The following TMEM132E variants were observed in gnomAD, a reference collection of about 807,000 sequenced individuals.
TMEM132E encodes the protein transmembrane protein 132E.
Under a neutral mutation model 78.5 loss-of-function variants are expected in TMEM132E, and 49 were observed. The ratio of observed to expected loss-of-function variants is 0.62; its 90% CI spans 0.50 to 0.79. The LOEUF is 0.79. TMEM132E is among the 30% of genes least tolerant of loss of function. The pLI is 0.00. For synonymous variants in TMEM132E, 715 were observed against 670.6 expected (o/e 1.07, Z -1.02); for missense variants, 1,403 against 1,470.9 (o/e 0.95, Z 0.75).
chr17:34,626,516 T>A lies in TMEM132E; in HGVS notation c.457T>A (p.Trp153Arg). 1 of 1,607,240 alleles carries A rather than the reference T, an allele frequency of 6.2e-7. No homozygotes were observed. The highest frequency in any genetic ancestry group is 8.5e-7 in the Non-Finnish European group (1 of 1,178,750). ...GCTGTTCTACGTAGCCGGCCGGGAC[T>A]GGGACGACTTCGGCGTCACCGAGCG... ...QVLFYVAGRD[W>R]DDFGVTERLP... is the part of the protein sequence containing the mutation. Residue 153 changes from tryptophan (W) to arginine (R), a missense_variant, in exon 2 of 9, where the codon TGG (tryptophan) becomes AGG (arginine). By Grantham distance (101) the Trp-to-Arg change is moderately radical. Transcript: ENST00000631683.
intron 4 of TMEM132E, 24 bp from the exon 5 acceptor site, chr17:34,629,984 G>GC (rs749506300): frequency 2.8e-4 from 445 of 1,580,742 alleles, no homozygotes; most frequent in African/African-American, 2.3e-4. Flanking sequence ...CACAAGTAGA[G>GC]CCCCCCCCTT....
chr17:34,637,399 C>T lies in TMEM132E; in HGVS notation c.2392C>T (p.Arg798Cys), dbSNP rs776615502. 9 of 1,613,878 alleles carry T rather than the reference C, an allele frequency of 5.6e-6. No individual in the cohort carries two copies. Among genetic ancestry groups the T allele is most frequent in the East Asian group, 4.5e-5 (2 of 44,880 alleles). ...TIAESCQKTK[R>C]KSVLATTPVG... The stretch of plus-strand genomic sequence containing the variant: ...CGCTGAGAGCTGCCAGAAAACCAAA[C>T]GCAAGAGTGTGCTCGCCACGACCCC... The change falls in exon 9 of 9, where the codon CGC becomes TGC. Residue 798 changes from arginine (R) to cysteine (C), a missense_variant. Physicochemically the swap from Arg to Cys is radical, Grantham distance 180. This residue lies in a region of TMEM132E where 888 missense variants were observed against 952.8 expected (regional missense o/e 0.93). Transcript: ENST00000631683.
Position 34,613,211 on chromosome 17 carries a change from A to ACACACACGCGCGCGCG in TMEM132E, c.68-12915_68-12914insACACACGCGCGCGCGC. Among the ~76,000 whole-genome samples, 335 of 115,920 alleles carry ACACACACGCGCGCGCG rather than the reference A, an allele frequency of 2.9e-3. 4 individuals are homozygous for ACACACACGCGCGCGCG. The highest frequency in any genetic ancestry group is 6.0e-3 in the African/African-American group (204 of 34,282). The allele number at this position is 115,920 out of a possible 152,430, so 76.0% of individuals were successfully genotyped here. A position where few individuals can be genotyped will look rare whatever the true frequency, so the allele number is the denominator to read the frequency against. ...CACACACACACCCACACACACACACACGCGCGCGCGCGCGCGTTCTTACAT... is the reference window on the plus strand; with the variant it reads ...CACACACACACCCACACACACACACACACACACGCGCGCGCGCGCGCGCGCGCGCGCGTTCTTACAT... On this transcript the variant is annotated intron_variant, in intron 1 of 8. Transcript: ENST00000631683.
At chr17:34,589,364 G>C (rs568960810) in intron 1 of TMEM132E, among the ~76,000 whole-genome samples, 2 of 152,202 alleles carry the variant, frequency 1.3e-5, no homozygotes, top group Non-Finnish European at 2.9e-5. Flanking sequence ...GTGACTGGCA[G>C]GCTGAGGGAA....
intron 1 of TMEM132E, among the ~76,000 whole-genome samples, chr17:34,618,968 C>T (rs1022408212): frequency 2.0e-5 from 3 of 152,196 alleles, no homozygotes; most frequent in African/African-American, 7.2e-5. Context: ...TCTTTATACC[C>T]TTGGCCTCAG....
Position 34,586,165 on chromosome 17 carries a change from C to T in TMEM132E, c.67+5022C>T, listed in dbSNP as rs755196165. Among the ~76,000 whole-genome samples, 19 of 152,232 alleles carry T rather than the reference C, an allele frequency of 1.2e-4. No homozygotes were observed. In the East Asian group the frequency reaches 2.7e-3, roughly 22 times the overall value. On this transcript the variant is annotated intron_variant, in intron 1 of 8. Transcript: ENST00000631683. ...GCCTCTCTCCCCTGATTCCTGCAGCCGATGCTAACAAGTGGAAGAATCGTA... is the reference window on the plus strand; with the variant it reads ...GCCTCTCTCCCCTGATTCCTGCAGCTGATGCTAACAAGTGGAAGAATCGTA...
chr17:34,637,292 CTG>C lies in TMEM132E; in HGVS notation c.2288_2289del (p.Val763AspfsTer12). 1 of 1,614,170 alleles carries C rather than the reference CTG, an allele frequency of 6.2e-7. No homozygotes were observed. The highest frequency in any genetic ancestry group is 8.5e-7 in the Non-Finnish European group (1 of 1,180,052). ...AGCAGCCTGGATGAGCATGTGGCCA[CTG>C]TGACCCAGGACCGGGCCTTCCCTCT... is the stretch of plus-strand genomic sequence containing the variant. On this transcript the variant is annotated frameshift_variant, in exon 9 of 9. Coordinates refer to ENST00000631683, the MANE Select transcript of TMEM132E (RefSeq NM_001304438.2). LOFTEE classifies it high-confidence loss of function.
At position 34,626,439 on chromosome 17, in the gene TMEM132E, G is replaced by A. The variant is rs772862890; in HGVS notation, c.380G>A (p.Arg127Gln). The stretch of plus-strand genomic sequence containing the variant: ...CGCCTGACGGTGAACTGGAAGGTGC[G>A]GGCCTTCATCGTCCGCTCGCACGTG... ...PERLTVNWKV[R>Q]AFIVRSHVPA... Residue 127 changes from arginine (R) to glutamine (Q), a missense_variant, in exon 2 of 9, where the codon CGG becomes CAG. Physicochemically the swap from Arg to Gln is conservative, Grantham distance 43. Around this residue, in one of 3 missense-constraint regions of TMEM132E, gnomAD observed 511 missense variants for 499.0 expected, o/e 1.02. Coordinates refer to ENST00000631683, the MANE Select transcript of TMEM132E (RefSeq NM_001304438.2). 17 of 1,613,286 alleles carry A rather than the reference G, an allele frequency of 1.1e-5. No homozygotes were observed. The highest frequency in any genetic ancestry group is 1.4e-5 in the Non-Finnish European group (16 of 1,179,836).
intron 1 of TMEM132E, among the ~76,000 whole-genome samples, chr17:34,594,501 G>A (rs76402412): frequency 7.2e-5 from 11 of 152,246 alleles, no homozygotes; most frequent in Admixed American, 5.2e-4. Context: ...TAGAGTTGCT[G>A]TAATGAATAA....
intron 1 of TMEM132E, among the ~76,000 whole-genome samples, chr17:34,623,294 G>T (rs1907019416): frequency 6.6e-6 from 1 of 152,176 alleles, no homozygotes; most frequent in Non-Finnish European, 1.5e-5. Flanking sequence ...AATCCAGATG[G>T]TCAGCCGTGA....
chr17:34,603,226 T>A (rs1906297143), intron 1 of TMEM132E, among the ~76,000 whole-genome samples: 1 of 152,046 alleles, frequency 6.6e-6, no homozygotes, highest in Non-Finnish European at 1.5e-5. Context: ...TAAGGCAGTG[T>A]CTGTATCAGA....
Position 34,626,283 on chromosome 17 carries a change from G to C in TMEM132E, c.224G>C (p.Arg75Pro). ...SPAVANSSLQ[R>P]SEPFVVFQTK... ...GCGGTCGCCAACAGCTCTCTGCAGC[G>C]CTCCGAGCCCTTCGTGGTGTTCCAG... The change falls in exon 2 of 9, where the codon CGC becomes CCC. Residue 75 changes from arginine to proline, a missense_variant. Arg to Pro is a moderately radical substitution (Grantham distance 103, BLOSUM62 -2). Around this residue, in one of 3 missense-constraint regions of TMEM132E, gnomAD observed 511 missense variants for 499.0 expected, o/e 1.02. Coordinates refer to ENST00000631683, the MANE Select transcript of TMEM132E (RefSeq NM_001304438.2). 1 of 1,609,276 alleles carries C rather than the reference G, an allele frequency of 6.2e-7. No individual in the cohort carries two copies. Among genetic ancestry groups the C allele is most frequent in the Non-Finnish European group, 8.5e-7 (1 of 1,178,178 alleles).
At chr17:34,581,288 T>G in intron 1 of TMEM132E, 145 bp downstream of exon 1, 6 of 680,366 alleles carry the variant, frequency 8.8e-6, no homozygotes, top group Admixed American at 4.6e-5. Context: ...CAGCTCGAGT[T>G]ACCGCCAGCC....
In TMEM132E at chr17:34,626,697, G is replaced by C; in HGVS notation, c.638G>C (p.Arg213Pro). 1 of 1,386,690 alleles carries C rather than the reference G, an allele frequency of 7.2e-7. No individual in the cohort carries two copies. Among genetic ancestry groups the C allele is most frequent in the Non-Finnish European group, 9.4e-7 (1 of 1,060,192 alleles). The allele number at this position is 1,386,690 out of a possible 1,614,324, so 85.9% of individuals were successfully genotyped here. A position where few individuals can be genotyped will look rare whatever the true frequency, so the allele number is the denominator to read the frequency against. ...CCCGCTGCGCCACCCACGGCCCGCC[G>C]CAAGTCCCCGGACGGGCTGGAGCCC... ...PAPAAPPTAR[R>P]KSPDGLEPEA... Residue 213 changes from arginine to proline, a missense_variant, in exon 2 of 9, where the codon CGC becomes CCC. Transcript: ENST00000631683.
chr17:34,579,841 C>G lies in TMEM132E; in HGVS notation c.-1236C>G, dbSNP rs1318931422. 6.6e-6 allele frequency: 1 copy of G among 152,210 alleles called. No homozygotes were observed. The highest frequency in any genetic ancestry group is 1.5e-5 in the Non-Finnish European group (1 of 68,062). The allele number at this position is 152,210 out of a possible 1,614,324, so 9.4% of individuals were successfully genotyped here. On this transcript the variant is annotated 5_prime_UTR_variant, in exon 1 of 9. Transcript: ENST00000631683. Reference sequence around the variant, plus strand: ...GCCCTGGCCCCTGGCGCCGCGCCCGCGTCTCACCGCCCGCAGCCCGGACTG... The same window carrying G: ...GCCCTGGCCCCTGGCGCCGCGCCCGGGTCTCACCGCCCGCAGCCCGGACTG...
chr17:34,605,270 G>A (rs1200873894), intron 1 of TMEM132E, among the ~76,000 whole-genome samples: 2 of 152,302 alleles, frequency 1.3e-5, no homozygotes, highest in East Asian at 1.9e-4. Flanking sequence ...GCCCAGCTTC[G>A]GAACCATGCG....
chr17:34,607,762 T>C (rs1320145012), intron 1 of TMEM132E, among the ~76,000 whole-genome samples: 1 of 152,130 alleles, frequency 6.6e-6, no homozygotes, highest in East Asian at 1.9e-4. Context: ...TCTTTTTTTT[T>C]TTTAACTATT....
chr17:34,585,174 A>T (rs1292545231), intron 1 of TMEM132E, among the ~76,000 whole-genome samples: 1 of 152,152 alleles, frequency 6.6e-6, no homozygotes, highest in Non-Finnish European at 1.5e-5. Flanking sequence ...GTAGGTGGGG[A>T]TGTGTTATAA....
intron 1 of TMEM132E, among the ~76,000 whole-genome samples, chr17:34,624,447 A>G (rs1907059740): frequency 6.6e-6 from 1 of 152,190 alleles, no homozygotes. Context: ...GTCCCTTCAG[A>G]GAAGGACAAA....
Sources: gnomAD v4.1 joint callset for allele counts (sites outside exome capture counted in the v4.1 genomes callset) on GRCh38, gnomAD v4.1.1 for gene constraint, gnomAD v4.1.1 regional missense constraint, MANE v1.5 for transcripts, NCBI Gene and HGNC (gene_info 2026-07-23, HGNC 2026-07-21) for gene names.